The following KCNH8 variants were observed in gnomAD, a reference collection of about 807,000 sequenced individuals.
KCNH8 encodes the protein voltage-gated delayed rectifier potassium channel KCNH8.
A neutral mutation model predicts 103.6 loss-of-function variants in KCNH8; 70 were observed. The observed-to-expected ratio is 0.68, with a 90% confidence interval of 0.56 to 0.82. The LOEUF is 0.82. KCNH8 is among the 40% of genes least tolerant of loss of function. KCNH8 has a pLI of 0.00. For synonymous variants in KCNH8, 498 were observed against 489.4 expected (o/e 1.02, Z -0.23); for missense variants, 1,217 against 1,329.9 (o/e 0.92, Z 1.32).
intron 11 of KCNH8, among the ~76,000 whole-genome samples, chr3:19,503,137 C>T (rs1365023665): frequency 6.6e-6 from 1 of 151,126 alleles, no homozygotes; most frequent in African/African-American, 2.4e-5. Context: ...AGACACTTCT[C>T]AAAAGAAGAC....
intron 1 of KCNH8, among the ~76,000 whole-genome samples, chr3:19,204,471 T>G (rs2063694518): frequency 6.6e-6 from 1 of 152,012 alleles, no homozygotes; most frequent in Non-Finnish European, 1.5e-5. Flanking sequence ...GAACGCGATT[T>G]AAAAATAAAC....
At chr3:19,361,210 T>C (rs1216220285) in intron 5 of KCNH8, among the ~76,000 whole-genome samples, 2 of 152,014 alleles carry the variant, frequency 1.3e-5, no homozygotes, top group Non-Finnish European at 2.9e-5. Flanking sequence ...GAAAAAGAAG[T>C]CATGAAATTA....
intron 15 of KCNH8, among the ~76,000 whole-genome samples, chr3:19,532,150 A>C (rs2125254959): frequency 6.6e-6 from 1 of 152,320 alleles, no homozygotes; most frequent in East Asian, 1.9e-4. Flanking sequence ...CGTTACGAAA[A>C]TAAATTCTCT....
intron 15 of KCNH8, among the ~76,000 whole-genome samples, chr3:19,528,400 C>T (rs937955986): frequency 3.9e-5 from 6 of 151,928 alleles, no homozygotes; most frequent in African/African-American, 1.4e-4. Flanking sequence ...CAAGTTTATG[C>T]TGGGACAGAT....
intron 3 of KCNH8, among the ~76,000 whole-genome samples, chr3:19,326,470 GTC>G (rs1239845501): frequency 6.6e-6 from 1 of 151,372 alleles, no homozygotes; most frequent in African/African-American, 2.4e-5. Flanking sequence ...ATCATGAAGT[GTC>G]TCTGGTACTT....
At chr3:19,496,017 C>T (rs768611110) in intron 11 of KCNH8, among the ~76,000 whole-genome samples, 1 of 152,002 alleles carries the variant, frequency 6.6e-6, no homozygotes, top group Non-Finnish European at 1.5e-5. Context: ...TGTTCGTATA[C>T]AGGAAGGCTA....
chr3:19,155,655 G>C (rs1315498227), intron 1 of KCNH8, among the ~76,000 whole-genome samples: 1 of 152,088 alleles, frequency 6.6e-6, no homozygotes, highest in African/African-American at 2.4e-5. Flanking sequence ...TAAATTCCCT[G>C]CTCTTTCATG....
chr3:19,294,113 C>T (rs1387943954), intron 3 of KCNH8, among the ~76,000 whole-genome samples: 1 of 151,948 alleles, frequency 6.6e-6, no homozygotes, highest in African/African-American at 2.4e-5. Context: ...ATTGAATGGC[C>T]CTTTGGCTTT....
chr3:19,429,179 TTTTTTTTTTG>T (rs1380200837), intron 7 of KCNH8, among the ~76,000 whole-genome samples: 29 of 145,108 alleles, frequency 2.0e-4, no homozygotes, highest in African/African-American at 5.9e-4. Flanking sequence ...TTTTTTTTTT[TTTTTTTTTTG>T]GAGACAAGAG....
chr3:19,260,374 C>T (rs959765039), intron 2 of KCNH8, among the ~76,000 whole-genome samples: 3 of 150,344 alleles, frequency 2.0e-5, no homozygotes, highest in Middle Eastern at 3.5e-3. Context: ...CAAATTTCTT[C>T]ATGACCTTCC....
intron 7 of KCNH8, among the ~76,000 whole-genome samples, chr3:19,404,442 T>C (rs541630082): frequency 1.3e-5 from 2 of 152,094 alleles, no homozygotes; most frequent in South Asian, 4.1e-4. Context: ...TTTAAGGTGA[T>C]AGTTTGCTGA....
chr3:19,476,313 G>C (rs2067974889), intron 11 of KCNH8, among the ~76,000 whole-genome samples: 1 of 152,012 alleles, frequency 6.6e-6, no homozygotes, highest in Non-Finnish European at 1.5e-5. Context: ...ATTGACAATG[G>C]GCTTCCTAGG....
chr3:19,275,906 A>G (rs1027482409), intron 2 of KCNH8, among the ~76,000 whole-genome samples: 1 of 152,038 alleles, frequency 6.6e-6, no homozygotes, highest in African/African-American at 2.4e-5. Flanking sequence ...TGTATTGTCA[A>G]AGGTTGTTGG....
Position 19,178,956 on chromosome 3 carries a change from A to G in KCNH8, c.76+30161A>G, listed in dbSNP as rs536887407. On this transcript the variant is annotated intron_variant, in intron 1 of 15. Coordinates refer to ENST00000328405, the MANE Select transcript of KCNH8 (RefSeq NM_144633.3). ...GACACTAAAAGCAAAGAAGCAAGGTAGGAATTGTATTCATAGTATTATGTT... is the reference window on the plus strand; with the variant it reads ...GACACTAAAAGCAAAGAAGCAAGGTGGGAATTGTATTCATAGTATTATGTT... 2.0e-5 allele frequency among the ~76,000 whole-genome samples: 3 copies of G among 152,292 alleles called. No individual in the cohort carries two copies. The East Asian group carries it at 5.8e-4, about 29-fold the overall frequency.
chr3:19,379,665 A>G (rs375127066), intron 5 of KCNH8, among the ~76,000 whole-genome samples: 1 of 152,088 alleles, frequency 6.6e-6, no homozygotes, highest in Non-Finnish European at 1.5e-5. Flanking sequence ...AGAAAATAAC[A>G]TTATCTTGGT....
chr3:19,150,258 A>G (rs1388942984), intron 1 of KCNH8, among the ~76,000 whole-genome samples: 1 of 152,156 alleles, frequency 6.6e-6, no homozygotes, highest in Middle Eastern at 3.2e-3. Context: ...GCGCCACACA[A>G]AATCACCACT....
intron 3 of KCNH8, among the ~76,000 whole-genome samples, chr3:19,313,513 C>G (rs115248888): frequency 0.012 from 1,824 of 151,920 alleles, 11 homozygotes; most frequent in Non-Finnish European, 0.017. Context: ...CCACACAGAA[C>G]CATACTTACA....
At chr3:19,424,078 A>G (rs374411480) in intron 7 of KCNH8, among the ~76,000 whole-genome samples, 2 of 152,282 alleles carry the variant, frequency 1.3e-5, no homozygotes, top group South Asian at 4.1e-4. Context: ...TCAACATACC[A>G]TCATTATTCT....
chr3:19,456,613 T>C (rs545061923), intron 10 of KCNH8, among the ~76,000 whole-genome samples, 155 bp from the exon 11 acceptor site: 1 of 152,032 alleles, frequency 6.6e-6, no homozygotes, highest in South Asian at 2.1e-4. Flanking sequence ...GGTATGATGC[T>C]ATTGTATGCC....
Sources: allele counts gnomAD v4.1 joint callset (sites outside exome capture counted in the v4.1 genomes callset), GRCh38; gene constraint gnomAD v4.1.1; transcripts MANE v1.5; gene names NCBI Gene and HGNC (gene_info 2026-07-23, HGNC 2026-07-21).